The following INSYN2B variants were observed in gnomAD, a reference collection of about 807,000 sequenced individuals.
INSYN2B encodes inhibitory synaptic factor family member 2B, also known as protein INSYN2B.
In INSYN2B, 16 loss-of-function variants were observed where a neutral mutation model predicts 41.2. That is an observed-to-expected ratio of 0.39 (90% confidence interval 0.26 to 0.59). INSYN2B has a LOEUF of 0.59. INSYN2B is among the 20% of genes least tolerant of loss of function. INSYN2B has a pLI of 0.57. For synonymous variants in INSYN2B, 245 were observed against 244.4 expected (o/e 1.00, Z -0.02); for missense variants, 608 against 646.4 (o/e 0.94, Z 0.64).
chr5:169,896,152 G>C (rs1212641578), intron 1 of INSYN2B, among the ~76,000 whole-genome samples: 1 of 152,038 alleles, frequency 6.6e-6, no homozygotes, highest in Non-Finnish European at 1.5e-5. Flanking sequence ...GATGGTGAAA[G>C]AGCCAGAAAC....
rs79044164 is a variant in INSYN2B at position 169,938,139 on chromosome 5, C to T, written c.-919+42138G>A. ...TACTTGCAAGACAAAATGCTCCCTG[C>T]CTCTCTAAAGCTTGCAGTCTATTCA... On this transcript the variant is annotated intron_variant, in intron 1 of 3. Coordinates refer to ENST00000377365, the MANE Select transcript of INSYN2B (RefSeq NM_001129891.3). Among the ~76,000 whole-genome samples, 590 of 152,308 alleles carry T rather than the reference C, an allele frequency of 3.9e-3. 10 individuals are homozygous for T. Among genetic ancestry groups the T allele is most frequent in the East Asian group, 0.028 (146 of 5,192 alleles).
intron 1 of INSYN2B, among the ~76,000 whole-genome samples, chr5:169,967,048 ATGTGCCAGGCAC>A (rs1777327712): frequency 6.6e-6 from 1 of 152,358 alleles, no homozygotes; most frequent in South Asian, 2.1e-4. Flanking sequence ...AGTACCTCCT[ATGTGCCAGGCAC>A]TGTGCCAGGT....
chr5:169,868,500 T>C lies in INSYN2B; in HGVS notation c.1422-4041A>G, dbSNP rs1771737495. 2.0e-5 allele frequency among the ~76,000 whole-genome samples: 3 copies of C among 152,240 alleles called. 1 individual carries two copies. The South Asian group carries it at 6.2e-4, about 31-fold the overall frequency. On this transcript the variant is annotated intron_variant, in intron 3 of 3. Transcript: ENST00000377365. ...TAGGCTGGGCGCAGTGGCTCATGCC[T>C]GTAATCCCAGCACTTCGAAAGACCC...
chr5:169,871,042 C>A (rs1337128933), intron 3 of INSYN2B, among the ~76,000 whole-genome samples: 2 of 152,180 alleles, frequency 1.3e-5, no homozygotes, highest in Non-Finnish European at 2.9e-5. Flanking sequence ...CCTCACGTGG[C>A]AGAAAGGGGA....
At chr5:169,900,741 T>C (rs1393753194) in intron 1 of INSYN2B, among the ~76,000 whole-genome samples, 1 of 152,108 alleles carries the variant, frequency 6.6e-6, no homozygotes, top group Non-Finnish European at 1.5e-5. Context: ...TATCTTTCAA[T>C]ACACCAAGTC....
intron 1 of INSYN2B, among the ~76,000 whole-genome samples, chr5:169,888,000 CAT>C (rs970911152): frequency 3.3e-4 from 50 of 152,218 alleles, no homozygotes; most frequent in African/African-American, 1.1e-3. Context: ...CATTTTTTCA[CAT>C]GTTTATTGGT....
At position 169,861,816 on chromosome 5, in the gene INSYN2B, G is replaced by A. The variant is rs1019459845; in HGVS notation, c.*2457C>T. Among the ~76,000 whole-genome samples the A allele has an allele frequency of 2.6e-5, 4 of 152,176 alleles. No homozygotes were observed. Among genetic ancestry groups the A allele is most frequent in the Non-Finnish European group, 5.9e-5 (4 of 68,026 alleles). On this transcript the variant is annotated 3_prime_UTR_variant, in exon 4 of 4. Transcript: ENST00000377365. ...TTTTTCAGAAGAGAACTCCTTCCCA[G>A]TTTCAGGTCAGTGGCCCAAGCAATG...
In INSYN2B at chr5:169,883,458, G is replaced by A; in HGVS notation, c.441C>T (p.Asp147=). The A allele has an allele frequency of 6.4e-7, 1 of 1,551,668 alleles. No homozygotes were observed. The highest frequency in any genetic ancestry group is 8.7e-7 in the Non-Finnish European group (1 of 1,146,964). ...NLSEQDIVSS[D]LAYLRLAQHL... is the part of the protein sequence containing the mutation. ...GCTGAGCCAACCTTAAGTAGGCAAG[G>A]TCAGAAGACACAATGTCCTGTTCAG... Residue 147 remains aspartate (D), a synonymous_variant, in exon 2 of 4, where the codon GAC becomes GAT. Coordinates refer to ENST00000377365, the MANE Select transcript of INSYN2B (RefSeq NM_001129891.3).
chr5:169,916,610 T>C (rs995379760), intron 1 of INSYN2B, among the ~76,000 whole-genome samples: 2 of 152,182 alleles, frequency 1.3e-5, no homozygotes, highest in African/African-American at 4.8e-5. Context: ...CAAGTTAATA[T>C]ATTTAAAGTG....
At chr5:169,974,309 G>A (rs755241975) in intron 1 of INSYN2B, among the ~76,000 whole-genome samples, 11 of 152,176 alleles carry the variant, frequency 7.2e-5, no homozygotes, top group Non-Finnish European at 1.0e-4. Flanking sequence ...TGGCTATTAC[G>A]ATCATCAGTG....
intron 3 of INSYN2B, among the ~76,000 whole-genome samples, chr5:169,865,182 C>A (rs562966304): frequency 6.6e-6 from 1 of 152,082 alleles, no homozygotes; most frequent in Admixed American, 6.6e-5. Context: ...ACCTCTTTTT[C>A]GTTGTTGTTG....
chr5:169,880,575 G>A (rs1039716787), intron 3 of INSYN2B, among the ~76,000 whole-genome samples: 4 of 152,206 alleles, frequency 2.6e-5, no homozygotes, highest in African/African-American at 9.7e-5. Flanking sequence ...TTCCAGCTAA[G>A]GGGGCATTGA....
intron 1 of INSYN2B, among the ~76,000 whole-genome samples, chr5:169,932,117 T>A (rs947303200): frequency 6.6e-6 from 1 of 151,962 alleles, no homozygotes; most frequent in Non-Finnish European, 1.5e-5. Context: ...TGCTATATAG[T>A]GAGATAAAGT....
At chr5:169,974,549 C>T (rs1777645062) in intron 1 of INSYN2B, among the ~76,000 whole-genome samples, 1 of 152,172 alleles carries the variant, frequency 6.6e-6, no homozygotes, top group African/African-American at 2.4e-5. Context: ...GACACCTTTA[C>T]CCACAGAAGG....
intron 1 of INSYN2B, among the ~76,000 whole-genome samples, chr5:169,978,190 G>A (rs1187492385): frequency 1.3e-5 from 2 of 152,046 alleles, no homozygotes; most frequent in African/African-American, 2.4e-5. Context: ...GCAAGCTTCC[G>A]AAGTTGGCTG....
chr5:169,864,569 C>A, intron 3 of INSYN2B, 110 bp from the exon 4 acceptor site: 1 of 881,224 alleles, frequency 1.1e-6, no homozygotes, highest in Non-Finnish European at 1.7e-6. Context: ...GGGATCAAAT[C>A]CTAGATCCTT....
At chr5:169,933,732 C>T (rs1384056010) in intron 1 of INSYN2B, among the ~76,000 whole-genome samples, 1 of 152,074 alleles carries the variant, frequency 6.6e-6, no homozygotes, top group Admixed American at 6.6e-5. Flanking sequence ...GGTCAGACAC[C>T]CACTTCTCAG....
At chr5:169,872,323 T>A (rs1772031058) in intron 3 of INSYN2B, among the ~76,000 whole-genome samples, 1 of 152,260 alleles carries the variant, frequency 6.6e-6, no homozygotes, top group African/African-American at 2.4e-5. Context: ...TTGGAAGGCA[T>A]CTCTGGGGAA....
At chr5:169,979,595 G>A (rs1302894130) in intron 1 of INSYN2B, among the ~76,000 whole-genome samples, 3 of 152,114 alleles carry the variant, frequency 2.0e-5, no homozygotes, top group Non-Finnish European at 4.4e-5. Context: ...CCACAGATCT[G>A]ATACCAAAGG....
Sources: gnomAD v4.1 joint callset for allele counts (sites outside exome capture counted in the v4.1 genomes callset) on GRCh38, gnomAD v4.1.1 for gene constraint, MANE v1.5 for transcripts, NCBI Gene and HGNC (gene_info 2026-07-23, HGNC 2026-07-21) for gene names.